The following PTPRG variants were observed in gnomAD, a reference collection of about 807,000 sequenced individuals.
The protein encoded by PTPRG is receptor-type tyrosine-protein phosphatase gamma.
Under a neutral mutation model 165.3 loss-of-function variants are expected in PTPRG, and 102 were observed. The ratio of observed to expected loss-of-function variants is 0.62; its 90% CI spans 0.53 to 0.73. The LOEUF (loss-of-function observed/expected upper bound fraction) is 0.73, where lower values mean the gene tolerates loss of function less well. PTPRG is among the 30% of genes least tolerant of loss of function. PTPRG has a pLI of 0.00. For synonymous variants in PTPRG, 675 were observed against 669.5 expected (o/e 1.01, Z -0.13); for missense variants, 1,866 against 1,861.4 (o/e 1.00, Z -0.05).
chr3:61,784,836 C>G (rs1487651551), intron 2 of PTPRG, among the ~76,000 whole-genome samples: 2 of 152,044 alleles, frequency 1.3e-5, no homozygotes, highest in Admixed American at 6.6e-5. Flanking sequence ...GAAAATTTAC[C>G]TCTCCGTCTG....
intron 2 of PTPRG, among the ~76,000 whole-genome samples, chr3:61,869,521 GT>G (rs2107436694): frequency 6.6e-6 from 1 of 152,096 alleles, no homozygotes; most frequent in East Asian, 1.9e-4. Context: ...AAAGTTGTCT[GT>G]GCTTTGTCCA....
chr3:61,916,615 CTG>C (rs1387158477), intron 2 of PTPRG, among the ~76,000 whole-genome samples: 2 of 152,058 alleles, frequency 1.3e-5, no homozygotes, highest in African/African-American at 4.8e-5. Flanking sequence ...CTCTTTAAAT[CTG>C]TTATTGTTAT....
At chr3:62,055,698 C>T (rs1218928862) in intron 4 of PTPRG, among the ~76,000 whole-genome samples, 1 of 152,172 alleles carries the variant, frequency 6.6e-6, no homozygotes, top group African/African-American at 2.4e-5. Context: ...TGCTTTTGCT[C>T]TTAGCTTCTG....
chr3:62,140,870 A>G (rs1703901449), intron 6 of PTPRG, among the ~76,000 whole-genome samples: 1 of 148,490 alleles, frequency 6.7e-6, no homozygotes, highest in South Asian at 2.1e-4. Context: ...AAAAAAAAAA[A>G]AAAAGAGTGG....
chr3:62,171,240 A>G (rs1223123415), intron 8 of PTPRG, among the ~76,000 whole-genome samples: 1 of 152,192 alleles, frequency 6.6e-6, no homozygotes, highest in African/African-American at 2.4e-5. Context: ...TTTAATGAAT[A>G]TGTGGATATA....
At chr3:61,620,653 G>A (rs1701423638) in intron 1 of PTPRG, among the ~76,000 whole-genome samples, 1 of 151,794 alleles carries the variant, frequency 6.6e-6, no homozygotes, top group African/African-American at 2.4e-5. Context: ...TTGAAATGGA[G>A]TTAACGCTCT....
intron 1 of PTPRG, among the ~76,000 whole-genome samples, chr3:61,585,581 C>CA (rs1364168599): frequency 6.6e-6 from 1 of 151,506 alleles, no homozygotes; most frequent in Non-Finnish European, 1.5e-5. Flanking sequence ...CCTGTCTCTA[C>CA]AAAAAAAGTA....
At chr3:62,037,956 A>G (rs1270365939) in intron 4 of PTPRG, among the ~76,000 whole-genome samples, 1 of 152,190 alleles carries the variant, frequency 6.6e-6, no homozygotes, top group East Asian at 1.9e-4. Context: ...TAGGGCTTCA[A>G]TCTACGAATT....
rs142240640 is a variant in PTPRG, at chr3:61,933,816, T to C, written c.191-55809T>C. On this transcript the variant is annotated intron_variant, in intron 2 of 29. Coordinates refer to ENST00000474889, the MANE Select transcript of PTPRG (RefSeq NM_002841.4). ...GATTTCTGCCTTGTCTCCTCAATGA[T>C]ACCAGTTTTTTCTTTCTTTGGCATT... Among the ~76,000 whole-genome samples the C allele has an allele frequency of 8.5e-4, 129 of 152,350 alleles. No individual in the cohort carries two copies. In the Middle Eastern group the frequency reaches 0.01, roughly 12 times the overall value.
At chr3:61,896,129 A>G (rs144721426) in intron 2 of PTPRG, among the ~76,000 whole-genome samples, 11 of 152,280 alleles carry the variant, frequency 7.2e-5, no homozygotes, top group Non-Finnish European at 1.5e-4. Context: ...AGGTTCATGT[A>G]TCCACTATCC....
chr3:62,042,080 C>G (rs904006239), intron 4 of PTPRG, among the ~76,000 whole-genome samples: 4 of 152,210 alleles, frequency 2.6e-5, no homozygotes, highest in Non-Finnish European at 5.9e-5. Flanking sequence ...CTCTTAACTG[C>G]TTTGCATGTT....
At chr3:62,260,966 T>A (rs1701679355) in intron 16 of PTPRG, 2 of 152,206 alleles carry the variant, frequency 1.3e-5, no homozygotes, top group South Asian at 4.1e-4. Context: ...GGGTTTTAGA[T>A]AACAAAGAGT....
intron 5 of PTPRG, among the ~76,000 whole-genome samples, chr3:62,080,234 A>ATTT (rs112814144): frequency 0.16 from 21,702 of 137,298 alleles, 1,808 homozygotes; most frequent in South Asian, 0.25. Context: ...ATGCCCAGCT[A>ATTT]ATTTTTTTTT....
intron 12 of PTPRG, 84 bp downstream of exon 12, chr3:62,204,034 A>G: frequency 6.7e-7 from 1 of 1,488,534 alleles, no homozygotes; most frequent in Non-Finnish European, 8.9e-7. Context: ...CAGAAGGTGA[A>G]GCTTCAGAAG....
Position 62,267,466 on chromosome 3 carries a change from G to T in PTPRG, c.2713G>T (p.Asp905Tyr). The T allele has an allele frequency of 6.2e-7, 1 of 1,611,902 alleles. No individual in the cohort carries two copies. Among genetic ancestry groups the T allele is most frequent in the South Asian group, 1.1e-5 (1 of 90,922 alleles). Residue 905 changes from aspartate (D) to tyrosine (Y), a missense_variant, in exon 18 of 30, where the codon GAC (aspartate) becomes TAC (tyrosine). Physicochemically the swap from Asp to Tyr is radical, Grantham distance 160. This residue lies in a region of PTPRG where 1,452 missense variants were observed against 1,463.0 expected (regional missense o/e 0.99). Transcript: ENST00000474889. ...PLPGKDSKHS[D>Y]YINANYVDGY... ...ACCAGGAAAAGACTCTAAGCACAGCGACTACATTAATGCAAACTATGTTGA... is the reference window on the plus strand; with the variant it reads ...ACCAGGAAAAGACTCTAAGCACAGCTACTACATTAATGCAAACTATGTTGA...
intron 2 of PTPRG, among the ~76,000 whole-genome samples, chr3:61,902,851 A>T (rs1006148947): frequency 2.6e-5 from 4 of 152,114 alleles, no homozygotes; most frequent in South Asian, 2.1e-4. Context: ...CATAGATCCT[A>T]GCTCTGTTGC....
intron 2 of PTPRG, among the ~76,000 whole-genome samples, chr3:61,900,661 C>G (rs752757424): frequency 1.3e-5 from 2 of 152,158 alleles, no homozygotes; most frequent in Non-Finnish European, 2.9e-5. Context: ...GGATTGTAAG[C>G]TTATTTTCCA....
chr3:62,291,594 A>G (rs1296375136), intron 28 of PTPRG, among the ~76,000 whole-genome samples: 1 of 152,108 alleles, frequency 6.6e-6, no homozygotes, highest in East Asian at 1.9e-4. Context: ...TAATATTTTA[A>G]TTTTATGTAA....
intron 1 of PTPRG, among the ~76,000 whole-genome samples, chr3:61,724,986 C>A (rs1029392675): frequency 6.6e-6 from 1 of 152,136 alleles, no homozygotes; most frequent in African/African-American, 2.4e-5. Context: ...TGAATGAAAT[C>A]GAATTGATTG....
Sources: gnomAD v4.1 joint callset for allele counts (sites outside exome capture counted in the v4.1 genomes callset) on GRCh38, gnomAD v4.1.1 for gene constraint, gnomAD v4.1.1 regional missense constraint, MANE v1.5 for transcripts, NCBI Gene and HGNC (gene_info 2026-07-23, HGNC 2026-07-21) for gene names.